Variants in TRAPPC9 observed in about 807,000 individuals in gnomAD.
TRAPPC9 encodes the protein trafficking protein particle complex subunit 9.
TRAPPC9 carries 83 observed loss-of-function variants against 124.0 expected under a neutral mutation model. The observed-to-expected ratio is 0.67, with a 90% CI of 0.56 to 0.80. The LOEUF is 0.80. Ranked by LOEUF, TRAPPC9 falls within the 30% of genes least tolerant of loss-of-function variation. The pLI, the probability that TRAPPC9 is intolerant of heterozygous loss-of-function variation, is 0.00. For missense variants in TRAPPC9, 1,302 were observed against 1,508.3 expected, an observed-to-expected ratio of 0.86 and a Z score of 2.27; for synonymous variants, 638 against 617.5, an observed-to-expected ratio of 1.03 and a Z score of -0.49.
intron 18 of TRAPPC9, among the ~76,000 whole-genome samples, chr8:140,014,219 G>C (rs1468987398): frequency 6.6e-6 from 1 of 152,132 alleles, no homozygotes; most frequent in African/African-American, 2.4e-5. Context: ...AAATGTCTAA[G>C]AGTGGATCGT....
intron 17 of TRAPPC9, among the ~76,000 whole-genome samples, chr8:140,183,410 A>G (rs1317756004): frequency 6.6e-6 from 1 of 152,242 alleles, no homozygotes; most frequent in Non-Finnish European, 1.5e-5. Context: ...TCCACTTAGG[A>G]AAGAGATGAA....
chr8:139,939,126 T>C (rs1330547781), intron 19 of TRAPPC9, among the ~76,000 whole-genome samples: 1 of 152,158 alleles, frequency 6.6e-6, no homozygotes, highest in Non-Finnish European at 1.5e-5. Context: ...CTCAAAGAAC[T>C]GGCCAGACAA....
intron 16 of TRAPPC9, among the ~76,000 whole-genome samples, chr8:140,231,578 C>T (rs1036284603): frequency 6.8e-6 from 1 of 146,476 alleles, no homozygotes; most frequent in South Asian, 2.2e-4. Context: ...CTGCAATCTC[C>T]GCCTCCTGGG....
intron 19 of TRAPPC9, among the ~76,000 whole-genome samples, chr8:139,913,629 A>T (rs1831902875): frequency 6.6e-6 from 1 of 152,176 alleles, no homozygotes; most frequent in South Asian, 2.1e-4. Context: ...ACTGCTTCCC[A>T]CATTTACAAT....
In TRAPPC9 at chr8:139,765,800, G is replaced by A. The variant is rs1820547857; in HGVS notation, c.3056-33598C>T. Among the ~76,000 whole-genome samples the A allele has an allele frequency of 2.0e-5, 3 of 152,238 alleles. No individual in the cohort carries two copies. In the South Asian group the frequency reaches 6.2e-4, roughly 32 times the overall value. The stretch of plus-strand genomic sequence containing the variant: ...AAGCCTGTGCCAGTCTGCCTCCGAG[G>A]TATAACCCAGGAGAGCTCTTTCCCA... On this transcript the variant is annotated intron_variant, in intron 21 of 22. Transcript: ENST00000438773.
chr8:139,925,629 T>A (rs1350311469), intron 19 of TRAPPC9, among the ~76,000 whole-genome samples: 1 of 151,548 alleles, frequency 6.6e-6, no homozygotes, highest in Non-Finnish European at 1.5e-5. Flanking sequence ...ACGCCTGTAA[T>A]CCCAGCTACT....
intron 16 of TRAPPC9, among the ~76,000 whole-genome samples, chr8:140,243,901 A>G (rs2063919478): frequency 6.6e-6 from 1 of 152,264 alleles, no homozygotes; most frequent in South Asian, 2.1e-4. Context: ...GCCGCACAGC[A>G]GGAGGTGGGT....
At chr8:140,424,419 T>C (rs1029898104) in intron 5 of TRAPPC9, among the ~76,000 whole-genome samples, 8 of 151,414 alleles carry the variant, frequency 5.3e-5, no homozygotes, top group Admixed American at 2.6e-4. Context: ...GGTGAGAGGA[T>C]TGCTTGAGGC....
chr8:139,795,136 AT>A (rs1251210682), intron 21 of TRAPPC9, among the ~76,000 whole-genome samples: 3 of 152,126 alleles, frequency 2.0e-5, no homozygotes. Context: ...ACAAAAACTG[AT>A]TTCACTGCCA....
intron 21 of TRAPPC9, among the ~76,000 whole-genome samples, chr8:139,733,987 G>A (rs1049730695): frequency 1.3e-5 from 2 of 152,228 alleles, no homozygotes; most frequent in African/African-American, 2.4e-5. Context: ...GCCCTCACAC[G>A]CAGGTGAGGA....
intron 21 of TRAPPC9, among the ~76,000 whole-genome samples, chr8:139,804,042 C>A (rs1033517187): frequency 1.3e-5 from 2 of 151,696 alleles, no homozygotes; most frequent in Non-Finnish European, 1.5e-5. Context: ...ATCGCCGCCA[C>A]CACACGCCAC....
intron 17 of TRAPPC9, among the ~76,000 whole-genome samples, chr8:140,170,064 T>C (rs1447636650): frequency 6.6e-6 from 1 of 152,218 alleles, no homozygotes; most frequent in Non-Finnish European, 1.5e-5. Flanking sequence ...CATGACTTTT[T>C]AAAAGCATTT....
intron 17 of TRAPPC9, among the ~76,000 whole-genome samples, chr8:140,052,777 G>A (rs112931661): frequency 0.036 from 5,372 of 150,244 alleles, 298 homozygotes; most frequent in African/African-American, 0.12. Flanking sequence ...GCAAGACTCC[G>A]TCTCAAAAAA....
chr8:139,901,040 G>A (rs1233397015), intron 20 of TRAPPC9, among the ~76,000 whole-genome samples: 1 of 151,584 alleles, frequency 6.6e-6, no homozygotes, highest in Non-Finnish European at 1.5e-5. Context: ...AAAAGTAAGT[G>A]CTATGCTCAG....
At chr8:140,072,533 A>G (rs1191154102) in intron 17 of TRAPPC9, among the ~76,000 whole-genome samples, 5 of 126,766 alleles carry the variant, frequency 3.9e-5, no homozygotes, top group Admixed American at 8.0e-5. Context: ...AAAAAGGAGG[A>G]GGAGGAGGAG....
rs1182847269 is a variant in TRAPPC9 at position 140,082,841 on chromosome 8, C to T, written c.2557-58762G>A. Among the ~76,000 whole-genome samples, 6 of 152,266 alleles carry T rather than the reference C, an allele frequency of 3.9e-5. No homozygotes were observed. The East Asian group carries it at 7.7e-4, about 20-fold the overall frequency. ...GGGCATCCTCAAACTCAGCTGGTCA[C>T]GTTGACTTGGGACTGCTTTTCTGGG... On this transcript the variant is annotated intron_variant, in intron 17 of 22. Transcript: ENST00000438773.
intron 19 of TRAPPC9, 132 bp from the exon 20 acceptor site, chr8:139,910,432 T>C: frequency 9.9e-7 from 1 of 1,008,098 alleles, no homozygotes; most frequent in Non-Finnish European, 1.5e-6. Flanking sequence ...AACGGATTCA[T>C]TCCAAGAAAA....
chr8:140,122,964 G>A (rs569127743), intron 17 of TRAPPC9, among the ~76,000 whole-genome samples: 5 of 152,190 alleles, frequency 3.3e-5, no homozygotes, highest in East Asian at 1.9e-4. Context: ...TGTGCACATC[G>A]AAAAGTGCTA....
At chr8:139,949,133 T>G (rs1365250237) in intron 19 of TRAPPC9, among the ~76,000 whole-genome samples, 1 of 151,916 alleles carries the variant, frequency 6.6e-6, no homozygotes, top group Admixed American at 6.6e-5. Flanking sequence ...TCTGTGAGAA[T>G]GATCACAGGA....
Sources: allele counts gnomAD v4.1 joint callset (sites outside exome capture counted in the v4.1 genomes callset), GRCh38; gene constraint gnomAD v4.1.1; transcripts MANE v1.5; gene names NCBI Gene and HGNC (gene_info 2026-07-23, HGNC 2026-07-21).